TRDMT1: variants seen among roughly 807,000 people sequenced by gnomAD.
TRDMT1 encodes tRNA aspartic acid methyltransferase 1.
A neutral mutation model predicts 51.2 loss-of-function variants in TRDMT1; 49 were observed. That is an observed-to-expected ratio of 0.96 (90% confidence interval 0.76 to 1.21). The LOEUF (loss-of-function observed/expected upper bound fraction) is 1.21, where lower values mean the gene tolerates loss of function less well. TRDMT1 is among the 50% of genes most tolerant of loss of function. The pLI is 0.00. For synonymous variants in TRDMT1, 187 were observed against 164.6 expected, an observed-to-expected ratio of 1.14 and a Z score of -1.04; for missense variants, 534 against 462.3, an observed-to-expected ratio of 1.16 and a Z score of -1.42.
chr10:17,173,458 T>G (rs139305951), intron 2 of TRDMT1, among the ~76,000 whole-genome samples: 2 of 152,196 alleles, frequency 1.3e-5, no homozygotes, highest in Non-Finnish European at 2.9e-5. Flanking sequence ...TACACTCTTA[T>G]GATTTTATTT....
Position 17,152,251 on chromosome 10 carries a change from A to T in TRDMT1, c.1075+1256T>A, listed in dbSNP as rs959212647. The stretch of plus-strand genomic sequence containing the variant: ...AAAGTTTGTGTTTTTCTTAAACAAC[A>T]CTCCCCAGGATATTTGGGACAAAAA... On this transcript the variant is annotated intron_variant, in intron 10 of 10. Transcript: ENST00000377799. 5.9e-5 allele frequency among the ~76,000 whole-genome samples: 9 copies of T among 152,138 alleles called. No individual in the cohort carries two copies. The East Asian group carries it at 7.7e-4, about 13-fold the overall frequency.
At chr10:17,157,332 C>T in intron 8 of TRDMT1, 109 bp downstream of exon 8, 1 of 1,124,942 alleles carries the variant, frequency 8.9e-7, no homozygotes, top group Middle Eastern at 2.1e-4. Context: ...CTCATTCTAG[C>T]AAAAACATTT....
At chr10:17,190,991 C>G (rs886797974) in intron 1 of TRDMT1, among the ~76,000 whole-genome samples, 4 of 152,328 alleles carry the variant, frequency 2.6e-5, no homozygotes, top group Non-Finnish European at 4.4e-5. Context: ...TACAGAATGT[C>G]TCTTTAGCAG....
At chr10:17,175,307 T>C (rs1842495545) in intron 1 of TRDMT1, among the ~76,000 whole-genome samples, 1 of 152,186 alleles carries the variant, frequency 6.6e-6, no homozygotes, top group Non-Finnish European at 1.5e-5. Context: ...GAAATAATTA[T>C]AAAGGAATGC....
At chr10:17,185,548 C>T (rs1843773689) in intron 1 of TRDMT1, among the ~76,000 whole-genome samples, 2 of 152,006 alleles carry the variant, frequency 1.3e-5, no homozygotes, top group Admixed American at 1.3e-4. Flanking sequence ...AATACCATCC[C>T]ATTACTGGGC....
chr10:17,150,981 T>C (rs1200769434), intron 10 of TRDMT1: 1 of 984,988 alleles, frequency 1.0e-6, no homozygotes, highest in Non-Finnish European at 1.2e-6. Context: ...GTAAGATTCG[T>C]ACAAATTATA....
chr10:17,197,399 T>G (rs1845597011), intron 1 of TRDMT1, among the ~76,000 whole-genome samples: 1 of 152,044 alleles, frequency 6.6e-6, no homozygotes, highest in Non-Finnish European at 1.5e-5. Context: ...TAAATGAAAT[T>G]TAGAAAATAC....
At chr10:17,149,625 G>A (rs949636258) in intron 10 of TRDMT1, among the ~76,000 whole-genome samples, 8 of 151,630 alleles carry the variant, frequency 5.3e-5, no homozygotes, top group Admixed American at 2.0e-4. Context: ...AAAAAATTTC[G>A]TACCTATTAG....
intron 2 of TRDMT1, among the ~76,000 whole-genome samples, chr10:17,171,226 T>A (rs868710197): frequency 6.6e-6 from 1 of 151,938 alleles, no homozygotes; most frequent in Non-Finnish European, 1.5e-5. Flanking sequence ...TTCCGAGGTG[T>A]CCTTATCTGA....
Position 17,139,826 on chromosome 10 carries a change from G to T in TRDMT1, c.*9214C>A, listed in dbSNP as rs1837536350. Among the ~76,000 whole-genome samples the T allele has an allele frequency of 6.6e-6, 1 of 152,026 alleles. No individual in the cohort carries two copies. Among genetic ancestry groups the T allele is most frequent in the Non-Finnish European group, 1.5e-5 (1 of 68,012 alleles). On this transcript the variant is annotated 3_prime_UTR_variant, in exon 11 of 11. Coordinates refer to ENST00000377799, the MANE Select transcript of TRDMT1 (RefSeq NM_004412.7). Reference sequence around the variant, plus strand: ...GAAAGGATGAGATGACCTCACTTCTGTCTTTTTCAATGCCGTTATTCTAAG... The same window carrying T: ...GAAAGGATGAGATGACCTCACTTCTTTCTTTTTCAATGCCGTTATTCTAAG...
rs550264109 is a variant in TRDMT1 at position 17,162,900 on chromosome 10, C to T, written c.252-663G>A. Among the ~76,000 whole-genome samples, 3 of 152,058 alleles carry T rather than the reference C, an allele frequency of 2.0e-5. No individual in the cohort carries two copies. The South Asian group carries it at 6.2e-4, about 31-fold the overall frequency. On this transcript the variant is annotated intron_variant, in intron 3 of 10. Coordinates refer to ENST00000377799, the MANE Select transcript of TRDMT1 (RefSeq NM_004412.7). Reference sequence around the variant, plus strand: ...ACAAGAAGTCAATGCAGAATAAAACCAACTGCTCTCTTAAAATCACTATGT... The same window carrying T: ...ACAAGAAGTCAATGCAGAATAAAACTAACTGCTCTCTTAAAATCACTATGT...
intron 1 of TRDMT1, among the ~76,000 whole-genome samples, chr10:17,181,329 C>T (rs1426477955): frequency 1.3e-5 from 2 of 152,160 alleles, no homozygotes; most frequent in African/African-American, 2.4e-5. Context: ...ACTCTCATCA[C>T]ACTCCAGTTC....
intron 2 of TRDMT1, among the ~76,000 whole-genome samples, chr10:17,172,290 C>T (rs191167018): frequency 1.6e-4 from 25 of 151,902 alleles, no homozygotes; most frequent in African/African-American, 4.8e-4. Flanking sequence ...ATTAAGAAAC[C>T]CAGATAACAC....
chr10:17,199,641 G>C (rs1319614633), intron 1 of TRDMT1, among the ~76,000 whole-genome samples: 1 of 152,202 alleles, frequency 6.6e-6, no homozygotes. Context: ...AGCCTGTTAA[G>C]ATGGGACTGT....
rs1290636905 is a variant in TRDMT1 at position 17,139,112 on chromosome 10, G to C, written c.*9928C>G. Reference sequence around the variant, plus strand: ...GAATGGGGACTTCAGCAGCTCCATTGGATTAATCCAAGCTTGGTTTCCAAG... The same window carrying C: ...GAATGGGGACTTCAGCAGCTCCATTCGATTAATCCAAGCTTGGTTTCCAAG... On this transcript the variant is annotated 3_prime_UTR_variant, in exon 11 of 11. Coordinates refer to ENST00000377799, the MANE Select transcript of TRDMT1 (RefSeq NM_004412.7). 2 of 932,338 alleles carry C rather than the reference G, an allele frequency of 2.1e-6. No individual in the cohort carries two copies. Among genetic ancestry groups the C allele is most frequent in the Non-Finnish European group, 2.6e-6 (2 of 781,430 alleles). 57.8% of individuals were successfully genotyped at this position (932,338 alleles called of 1,614,324 possible).
In TRDMT1 at chr10:17,140,951, T is replaced by A. The variant is rs1837630490; in HGVS notation, c.*8089A>T. Among the ~76,000 whole-genome samples the A allele has an allele frequency of 6.6e-6, 1 of 152,194 alleles. No homozygotes were observed. Among genetic ancestry groups the A allele is most frequent in the South Asian group, 2.1e-4 (1 of 4,828 alleles). On this transcript the variant is annotated 3_prime_UTR_variant, in exon 11 of 11. Transcript: ENST00000377799. ...CATGTTAACTACCTGCTCGCCCTAATAATTGTAAAGAGCTGCATAGAGGTA... is the reference window on the plus strand; with the variant it reads ...CATGTTAACTACCTGCTCGCCCTAAAAATTGTAAAGAGCTGCATAGAGGTA...
At chr10:17,174,512 C>T (rs1427200239) in intron 2 of TRDMT1, 39 bp downstream of exon 2, 1 of 1,401,052 alleles carries the variant, frequency 7.1e-7, no homozygotes. Context: ...ATCACATTTC[C>T]CTTGCTACAT....
intron 1 of TRDMT1, among the ~76,000 whole-genome samples, chr10:17,175,539 G>C (rs1343041219): frequency 6.6e-6 from 1 of 152,052 alleles, no homozygotes; most frequent in Non-Finnish European, 1.5e-5. Context: ...TTTTAAAAAT[G>C]AAAGTATTTG....
In TRDMT1 at chr10:17,148,098, G is replaced by C. The variant is rs767543344; in HGVS notation, c.*942C>G. 1.7e-3 allele frequency: 1,692 copies of C among 985,230 alleles called. 2 individuals carry two copies. The highest frequency in any genetic ancestry group is 2.0e-3 in the Non-Finnish European group (1,632 of 829,920). The allele number at this position is 985,230 out of a possible 1,614,324, so 61.0% of individuals were successfully genotyped here. ...CATAGAATTTATGATGCAAGACTTAGTTTGATTAGAAACCCTAATTCCAAG... is the reference window on the plus strand; with the variant it reads ...CATAGAATTTATGATGCAAGACTTACTTTGATTAGAAACCCTAATTCCAAG... On this transcript the variant is annotated 3_prime_UTR_variant, in exon 11 of 11. Transcript: ENST00000377799.
Sources: gnomAD v4.1 joint callset for allele counts (sites outside exome capture counted in the v4.1 genomes callset) on GRCh38, gnomAD v4.1.1 for gene constraint, MANE v1.5 for transcripts, NCBI Gene and HGNC (gene_info 2026-07-23, HGNC 2026-07-21) for gene names.